Variants in CRIM1 observed in about 807,000 individuals in gnomAD.
CRIM1 encodes cysteine rich transmembrane BMP regulator 1.
In CRIM1, 32 loss-of-function variants were observed where a neutral mutation model predicts 116.4. The ratio of observed to expected loss-of-function variants is 0.27; its 90% CI spans 0.21 to 0.37. The LOEUF (loss-of-function observed/expected upper bound fraction) is 0.37. CRIM1 is among the 10% of genes least tolerant of loss of function. The probability of loss-of-function intolerance (pLI) is 1.00; values close to 1 mark genes in which losing one functional copy is unlikely to be tolerated. For missense variants in CRIM1, 1,331 were observed against 1,354.8 expected, an observed-to-expected ratio of 0.98 and a Z score of 0.28; for synonymous variants, 590 against 509.2, an observed-to-expected ratio of 1.16 and a Z score of -2.13.
chr2:36,471,345 A>G (rs1012539452), intron 5 of CRIM1, among the ~76,000 whole-genome samples: 3 of 152,326 alleles, frequency 2.0e-5, no homozygotes, highest in African/African-American at 7.2e-5. Flanking sequence ...CACATGCTAC[A>G]AAGAAATCTT....
intron 2 of CRIM1, among the ~76,000 whole-genome samples, chr2:36,431,923 G>A (rs952664074): frequency 3.9e-5 from 6 of 152,182 alleles, no homozygotes; most frequent in East Asian, 1.9e-4. Context: ...CCAAGTTACC[G>A]TGTCCCTTCC....
At chr2:36,404,157 A>T (rs966343147) in intron 2 of CRIM1, among the ~76,000 whole-genome samples, 4 of 152,222 alleles carry the variant, frequency 2.6e-5, no homozygotes, top group Admixed American at 6.5e-5. Flanking sequence ...GTAGAAGAAA[A>T]TCCAAGGGTT....
intron 1 of CRIM1, among the ~76,000 whole-genome samples, chr2:36,363,145 A>G (rs1669338898): frequency 6.7e-6 from 1 of 150,346 alleles, no homozygotes; most frequent in Non-Finnish European, 1.5e-5. Context: ...GGCTGCAGTG[A>G]GCTGAAATCG....
chr2:36,497,229 G>T (rs2125081226), intron 7 of CRIM1, among the ~76,000 whole-genome samples: 1 of 152,280 alleles, frequency 6.6e-6, no homozygotes, highest in Middle Eastern at 3.4e-3. Context: ...AAAGCAGTGT[G>T]CCTAGAGTTC....
chr2:36,545,048 C>T (rs1667220834), intron 15 of CRIM1, among the ~76,000 whole-genome samples: 1 of 152,156 alleles, frequency 6.6e-6, no homozygotes, highest in African/African-American at 2.4e-5. Flanking sequence ...GTTATTTTGT[C>T]TCCCAATAGC....
intron 13 of CRIM1, among the ~76,000 whole-genome samples, chr2:36,530,567 T>C (rs527309005): frequency 1.0e-3 from 157 of 152,324 alleles, no homozygotes; most frequent in Non-Finnish European, 1.7e-3. Context: ...TATTCCTTTG[T>C]GGCTTAGAGA....
chr2:36,518,805 A>G (rs1056392777), intron 12 of CRIM1, among the ~76,000 whole-genome samples: 2 of 152,174 alleles, frequency 1.3e-5, no homozygotes, highest in Non-Finnish European at 2.9e-5. Context: ...TACTTACATC[A>G]CCTTGGTAGA....
At chr2:36,378,328 C>G (rs533711928) in intron 1 of CRIM1, 1 of 471,212 alleles carries the variant, frequency 2.1e-6, no homozygotes, top group South Asian at 1.5e-5. Flanking sequence ...TCCTCCTAGG[C>G]AGGCGCCACC....
At chr2:36,401,636 C>G (rs1244273961) in intron 2 of CRIM1, among the ~76,000 whole-genome samples, 1 of 152,170 alleles carries the variant, frequency 6.6e-6, no homozygotes, top group Non-Finnish European at 1.5e-5. Context: ...ATGTCAATAC[C>G]AAAGGTTTCC....
At chr2:36,510,299 G>A (rs1360074213) in intron 9 of CRIM1, among the ~76,000 whole-genome samples, 160 bp downstream of exon 9, 1 of 152,076 alleles carries the variant, frequency 6.6e-6, no homozygotes, top group African/African-American at 2.4e-5. Flanking sequence ...CAGGGAGAAG[G>A]TTGTATCTCC....
At chr2:36,537,722 C>T (rs898948577) in intron 14 of CRIM1, among the ~76,000 whole-genome samples, 176 bp downstream of exon 14, 1 of 152,248 alleles carries the variant, frequency 6.6e-6, no homozygotes, top group African/African-American at 2.4e-5. Flanking sequence ...CTATGACCAT[C>T]CCGATGAGGG....
intron 8 of CRIM1, among the ~76,000 whole-genome samples, chr2:36,502,365 G>T (rs1036550258): frequency 6.6e-6 from 1 of 152,108 alleles, no homozygotes; most frequent in Admixed American, 6.5e-5. Flanking sequence ...TGTTTTGTTT[G>T]GCATTTTAAA....
Position 36,446,188 on chromosome 2 carries a change from T to A in CRIM1, c.869+3453T>A, listed in dbSNP as rs374228613. ...TGGGTTTGTGGACTTTTCTCCCCTA[T>A]CTTGAAGAATACATTCCTCCCTCCT... On this transcript the variant is annotated intron_variant, in intron 4 of 16. Coordinates refer to ENST00000280527, the MANE Select transcript of CRIM1 (RefSeq NM_016441.3). 4.6e-3 allele frequency among the ~76,000 whole-genome samples: 704 copies of A among 152,312 alleles called. 7 individuals carry two copies. The highest frequency in any genetic ancestry group is 0.016 in the African/African-American group (672 of 41,580).
At position 36,356,409 on chromosome 2, in the gene CRIM1, C is replaced by A. The variant is rs781069351; in HGVS notation, c.117C>A (p.Pro39=). 1 of 1,609,336 alleles carries A rather than the reference C, an allele frequency of 6.2e-7. No homozygotes were observed. The highest frequency in any genetic ancestry group is 8.5e-7 in the Non-Finnish European group (1 of 1,179,176). The change falls in exon 1 of 17, where the codon CCC becomes CCA. Residue 39 remains proline, a synonymous_variant. Coordinates refer to ENST00000280527, the MANE Select transcript of CRIM1 (RefSeq NM_016441.3). This position sits in a 1 kb window ranked among gnomAD's most constrained non-coding sequence, Gnocchi z 4.3. ...RSGTRALVCL[P]CDESKCEEPR... ...GCACCCGGGCGCTGGTCTGCCTGCC[C>A]TGTGACGAGTCCAAGTGCGAGGAGC... is the stretch of plus-strand genomic sequence containing the variant.
chr2:36,454,239 C>T (rs374881910), intron 4 of CRIM1, among the ~76,000 whole-genome samples: 14 of 152,248 alleles, frequency 9.2e-5, no homozygotes, highest in African/African-American at 3.4e-4. Context: ...AAACTTAACA[C>T]ACTGTATTCT....
At chr2:36,544,597 C>T in intron 15 of CRIM1, 99 bp downstream of exon 15, 2 of 1,200,192 alleles carry the variant, frequency 1.7e-6, no homozygotes, top group Non-Finnish European at 1.1e-6. Flanking sequence ...TTTAAAATGA[C>T]TTGCTGAAGT....
chr2:36,442,471 A>G (rs1675922156), intron 3 of CRIM1, 144 bp from the exon 4 acceptor site: 2 of 874,606 alleles, frequency 2.3e-6, no homozygotes, highest in Non-Finnish European at 3.6e-6. Context: ...TATAGCATTA[A>G]CTGGAGTAAC....
rs1014654739 is a variant in CRIM1, at chr2:36,549,856, T to C, written c.*1155T>C. 7.9e-5 allele frequency: 12 copies of C among 151,710 alleles called. No homozygotes were observed. The highest frequency in any genetic ancestry group is 1.5e-4 in the Non-Finnish European group (10 of 67,842). The allele number at this position is 151,710 out of a possible 1,614,324, so 9.4% of individuals were successfully genotyped here. A position where few individuals can be genotyped will look rare whatever the true frequency, so the allele number is the denominator to read the frequency against. ...TGTATATAATATATATATATACATA[T>C]ATATTTATACACATACAATTTATGT... is the stretch of plus-strand genomic sequence containing the variant. On this transcript the variant is annotated 3_prime_UTR_variant, in exon 17 of 17. Transcript: ENST00000280527.
chr2:36,495,616 T>C (rs1463092672), intron 7 of CRIM1, among the ~76,000 whole-genome samples: 1 of 151,978 alleles, frequency 6.6e-6, no homozygotes, highest in Non-Finnish European at 1.5e-5. Flanking sequence ...TCTTGGTCAT[T>C]ATTCTTTAAG....
Sources: allele counts gnomAD v4.1 joint callset (sites outside exome capture counted in the v4.1 genomes callset), GRCh38; gene constraint gnomAD v4.1.1; non-coding constraint Gnocchi (gnomAD v3.1); transcripts MANE v1.5; gene names NCBI Gene and HGNC (gene_info 2026-07-23, HGNC 2026-07-21).